Variants in PGS1 observed in about 807,000 individuals in gnomAD.
PGS1 encodes phosphatidylglycerophosphate synthase 1.
PGS1 carries 44 observed loss-of-function variants against 58.3 expected under a neutral mutation model. The observed-to-expected ratio is 0.75, with a 90% CI of 0.59 to 0.97. PGS1 has a LOEUF of 0.97. Ranked by LOEUF, PGS1 falls within the 50% of genes least tolerant of loss-of-function variation. The pLI is 0.00. For synonymous variants in PGS1, 330 were observed against 311.0 expected, an observed-to-expected ratio of 1.06 and a Z score of -0.64; for missense variants, 684 against 731.1, an observed-to-expected ratio of 0.94 and a Z score of 0.74.
chr17:78,390,112 T>C (rs1429966695), intron 1 of PGS1, among the ~76,000 whole-genome samples: 1 of 133,442 alleles, frequency 7.5e-6, no homozygotes, highest in Non-Finnish European at 1.5e-5. Flanking sequence ...TCTAGGCCCC[T>C]TGGGGCCTCG....
chr17:78,420,910 C>T lies in PGS1; in HGVS notation c.*10+1235C>T, dbSNP rs531565984. 7.9e-5 allele frequency: 12 copies of T among 152,184 alleles called. No individual in the cohort carries two copies. In the East Asian group the frequency reaches 2.3e-3, roughly 29 times the overall value. 9.4% of individuals were successfully genotyped at this position (152,184 alleles called of 1,614,324 possible). A position where few individuals can be genotyped will look rare whatever the true frequency, so the allele number is the denominator to read the frequency against. ...CAAAATGTGTACTTAACCAAAACAG[C>T]ACCAGTGTCACTCCTGAAACAAAAA... On this transcript the variant is annotated intron_variant, in intron 9 of 9. Transcript: ENST00000262764.
In PGS1 at chr17:78,378,673, T is replaced by C; in HGVS notation, c.8T>C (p.Val3Ala). 4 of 1,533,798 alleles carry C rather than the reference T, an allele frequency of 2.6e-6. No individual in the cohort carries two copies. Among genetic ancestry groups the C allele is most frequent in the Non-Finnish European group, 3.5e-6 (4 of 1,147,920 alleles). Residue 3 changes from valine (V) to alanine (A), a missense_variant, in exon 1 of 10, where the codon GTG becomes GCG. Physicochemically the swap from Val to Ala is moderately conservative, Grantham distance 64. Transcript: ENST00000262764. MA[V>A]AAAAAAGPVF... ...CGGAAGCGGCGAGTCTCCATGGCGG[T>C]GGCGGCGGCAGCTGCGGCGGGACCC...
rs1373184038 is a variant in PGS1, at chr17:78,423,547, A to AC, written c.*11-514_*11-513insC. The AC allele has an allele frequency of 7.9e-5, 22 of 277,334 alleles. No homozygotes were observed. The East Asian group carries it at 1.2e-3, about 15-fold the overall frequency. The allele number at this position is 277,334 out of a possible 1,614,324, so 17.2% of individuals were successfully genotyped here. On this transcript the variant is annotated intron_variant, in intron 9 of 9. Coordinates refer to ENST00000262764, the MANE Select transcript of PGS1 (RefSeq NM_024419.5). The stretch of plus-strand genomic sequence containing the variant: ...CTCACCCCACATGCTGCTCCTGTTA[A>AC]AAGCAAACTCCACTGACCCCCCCGG...
chr17:78,392,393 C>T, intron 1 of PGS1, 83 bp from the exon 2 acceptor site: 2 of 957,362 alleles, frequency 2.1e-6, no homozygotes, highest in Non-Finnish European at 3.1e-6. Context: ...AGCCCCTCTT[C>T]ACTCCCCAGT....
chr17:78,419,604 C>G lies in PGS1; in HGVS notation c.1610C>G (p.Pro537Arg), dbSNP rs368547832. 2 of 1,614,058 alleles carry G rather than the reference C, an allele frequency of 1.2e-6. No homozygotes were observed. Among genetic ancestry groups the G allele is most frequent in the Non-Finnish European group, 1.7e-6 (2 of 1,179,988 alleles). The change falls in exon 9 of 10, where the codon CCG (proline) becomes CGG (arginine). Residue 537 changes from proline (P) to arginine (R), a missense_variant. By Grantham distance (103) the Pro-to-Arg change is moderately radical (BLOSUM62 -2). Coordinates refer to ENST00000262764, the MANE Select transcript of PGS1 (RefSeq NM_024419.5). ...GTGTCCTCTGCCACCTTCGAGCAGC[C>G]GAGTCGCCAGGTGAAGCTGTGGGTG... ...GVVSSATFEQPSRQVKLWVKM... is the reference protein window; with the variant it reads ...GVVSSATFEQRSRQVKLWVKM...
chr17:78,405,378 C>T (rs1207527635), intron 7 of PGS1, among the ~76,000 whole-genome samples: 1 of 152,166 alleles, frequency 6.6e-6, no homozygotes, highest in African/African-American at 2.4e-5. Flanking sequence ...TTGTCTTTTC[C>T]TCACTATTGC....
intron 6 of PGS1, among the ~76,000 whole-genome samples, chr17:78,401,469 T>C (rs1465923958): frequency 6.6e-6 from 1 of 152,144 alleles, no homozygotes; most frequent in Non-Finnish European, 1.5e-5. Context: ...CTGGCGTGAG[T>C]GTTCTGGGGC....
At chr17:78,382,522 G>T (rs184986628) in intron 1 of PGS1, 5 of 151,978 alleles carry the variant, frequency 3.3e-5, no homozygotes, top group Non-Finnish European at 5.9e-5. Flanking sequence ...CAGTATCCAG[G>T]TTCCTCTAGG....
chr17:78,379,058 C>T (rs949761421), intron 1 of PGS1, among the ~76,000 whole-genome samples: 5 of 152,210 alleles, frequency 3.3e-5, no homozygotes, highest in African/African-American at 1.2e-4. Context: ...GCAGCCCGGC[C>T]AGTCCTTGCT....
intron 7 of PGS1, among the ~76,000 whole-genome samples, chr17:78,412,366 C>G (rs1010339117): frequency 1.3e-5 from 2 of 152,210 alleles, no homozygotes; most frequent in Non-Finnish European, 2.9e-5. Flanking sequence ...AAATCCTGAG[C>G]ACTCACCTGC....
At chr17:78,386,945 GTGATGATGGTGATGATGA>G (rs1567940326) in intron 1 of PGS1, among the ~76,000 whole-genome samples, 3 of 148,994 alleles carry the variant, frequency 2.0e-5, no homozygotes, top group East Asian at 3.9e-4. Flanking sequence ...CAGTTAGATG[GTGATGATGGTGATGATGA>G]TGATGATGAT....
intron 3 of PGS1, among the ~76,000 whole-genome samples, chr17:78,396,850 A>G (rs1224092603): frequency 6.6e-6 from 1 of 152,252 alleles, no homozygotes; most frequent in Non-Finnish European, 1.5e-5. Flanking sequence ...AGCCACACTC[A>G]TTCATTTGTG....
chr17:78,390,068 G>GCCCCCGCCCCCCCA (rs1294655183), intron 1 of PGS1, among the ~76,000 whole-genome samples: 1 of 102,978 alleles, frequency 9.7e-6, no homozygotes, highest in Non-Finnish European at 2.0e-5. Context: ...CTGTTCCCCC[G>GCCCCCGCCCCCCCA]CCCCCGACCA....
chr17:78,413,459 C>G (rs2084900851), intron 7 of PGS1, among the ~76,000 whole-genome samples: 2 of 152,186 alleles, frequency 1.3e-5, no homozygotes, highest in Non-Finnish European at 2.9e-5. Flanking sequence ...CCTGCTTGCC[C>G]TCACTCACAG....
At chr17:78,420,282 C>CTCTGGTGAAGCGGCAG in intron 9 of PGS1, 1 of 952,876 alleles carries the variant, frequency 1.0e-6, no homozygotes, top group Non-Finnish European at 1.3e-6. Flanking sequence ...AGGGGCCTGC[C>CTCTGGTGAAGCGGCAG]GCTTCACCAG....
At chr17:78,396,165 C>T (rs1382720477) in intron 2 of PGS1, 143 bp from the exon 3 acceptor site, 7 of 662,174 alleles carry the variant, frequency 1.1e-5, no homozygotes, top group African/African-American at 3.6e-5. Flanking sequence ...ATACACGTTT[C>T]GAGCTTGCTT....
At chr17:78,418,894 AT>A (rs2085443738) in intron 8 of PGS1, among the ~76,000 whole-genome samples, 1 of 152,216 alleles carries the variant, frequency 6.6e-6, no homozygotes. Context: ...TCATTTTAAT[AT>A]GCATTACCTC....
chr17:78,378,680 G>A lies in PGS1; in HGVS notation c.15G>A (p.Ala5=). 1 of 1,533,122 alleles carries A rather than the reference G, an allele frequency of 6.5e-7. No homozygotes were observed. Among genetic ancestry groups the A allele is most frequent in the Admixed American group, 2.0e-5 (1 of 50,608 alleles). The allele number at this position is 1,533,122 out of a possible 1,614,324, so 95.0% of individuals were successfully genotyped here. The change falls in exon 1 of 10, where the codon GCG becomes GCA. Residue 5 remains alanine (A), a synonymous_variant. Transcript: ENST00000262764. The stretch of plus-strand genomic sequence containing the variant: ...GGCGAGTCTCCATGGCGGTGGCGGC[G>A]GCAGCTGCGGCGGGACCCGTGTTCT... MAVA[A]AAAAGPVFWR...
chr17:78,395,849 C>T (rs919971478), intron 2 of PGS1, among the ~76,000 whole-genome samples: 2 of 152,234 alleles, frequency 1.3e-5, no homozygotes, highest in African/African-American at 2.4e-5. Flanking sequence ...AGTGACTCTT[C>T]TGCCTCAGCC....
Sources: gnomAD v4.1 joint callset for allele counts (sites outside exome capture counted in the v4.1 genomes callset) on GRCh38, gnomAD v4.1.1 for gene constraint, MANE v1.5 for transcripts, NCBI Gene and HGNC (gene_info 2026-07-23, HGNC 2026-07-21) for gene names.